ELMO1: variants seen among roughly 807,000 people sequenced by gnomAD.
ELMO1 encodes engulfment and cell motility protein 1.
In ELMO1, 26 loss-of-function variants were observed where a neutral mutation model predicts 98.9. The ratio of observed to expected loss-of-function variants is 0.26; its 90% CI spans 0.19 to 0.36. The LOEUF (loss-of-function observed/expected upper bound fraction) is 0.36, where lower values mean the gene tolerates loss of function less well. Among genes scored for constraint, ELMO1 ranks in the 10% least tolerant of loss-of-function variants. ELMO1 has a pLI of 1.00. For synonymous variants in ELMO1, 346 were observed against 346.0 expected (o/e 1.00, Z 0.00); for missense variants, 627 against 935.2 (o/e 0.67, Z 4.30).
At chr7:37,156,425 C>G (rs1788769993) in intron 13 of ELMO1, among the ~76,000 whole-genome samples, 1 of 151,936 alleles carries the variant, frequency 6.6e-6, no homozygotes, top group Non-Finnish European at 1.5e-5. Context: ...GGACCACTAG[C>G]AAGACTAATA....
chr7:37,004,277 C>T (rs1314290633), intron 16 of ELMO1, among the ~76,000 whole-genome samples: 4 of 152,036 alleles, frequency 2.6e-5, no homozygotes. Flanking sequence ...TCATATAATC[C>T]ACAACGGAAT....
chr7:37,396,383 T>TACAAA (rs1205050986), intron 1 of ELMO1, among the ~76,000 whole-genome samples: 1 of 152,008 alleles, frequency 6.6e-6, no homozygotes, highest in Non-Finnish European at 1.5e-5. Context: ...ACTCCGTCTC[T>TACAAA]ACAAAACAAA....
chr7:37,036,714 T>C (rs1488121619), intron 15 of ELMO1, among the ~76,000 whole-genome samples: 1 of 152,028 alleles, frequency 6.6e-6, no homozygotes, highest in Non-Finnish European at 1.5e-5. Flanking sequence ...CAGGAAATGA[T>C]GGGAAATCAG....
At chr7:36,860,029 G>C (rs1396384069) in intron 21 of ELMO1, among the ~76,000 whole-genome samples, 1 of 152,108 alleles carries the variant, frequency 6.6e-6, no homozygotes, top group Non-Finnish European at 1.5e-5. Flanking sequence ...TCCACTTAAT[G>C]AATAGTAAAC....
In ELMO1 at chr7:37,068,267, G is replaced by C. The variant is rs373345243; in HGVS notation, c.1300+28352C>G. Among the ~76,000 whole-genome samples the C allele has an allele frequency of 9.2e-5, 14 of 152,276 alleles. No homozygotes were observed. In the East Asian group the frequency reaches 2.7e-3, roughly 29 times the overall value. On this transcript the variant is annotated intron_variant, in intron 15 of 21. Transcript: ENST00000310758. ...ACTCTATCCCAGTCTCCCTGTCTCAGGAAAGTACAGTAAGTTAGCAAGTGA... is the reference window on the plus strand; with the variant it reads ...ACTCTATCCCAGTCTCCCTGTCTCACGAAAGTACAGTAAGTTAGCAAGTGA...
chr7:36,921,062 A>G (rs532116754), intron 16 of ELMO1, among the ~76,000 whole-genome samples: 1 of 152,214 alleles, frequency 6.6e-6, no homozygotes, highest in Non-Finnish European at 1.5e-5. Context: ...CCCTTCCACC[A>G]TGTGAGGACG....
intron 13 of ELMO1, among the ~76,000 whole-genome samples, chr7:37,139,597 C>G (rs565449119): frequency 3.8e-3 from 576 of 152,282 alleles, no homozygotes; most frequent in Middle Eastern, 6.8e-3. Context: ...ACATCCCATG[C>G]TCATGGATGG....
At chr7:37,065,819 G>T (rs1034744758) in intron 15 of ELMO1, among the ~76,000 whole-genome samples, 26 of 152,238 alleles carry the variant, frequency 1.7e-4, no homozygotes, top group African/African-American at 5.8e-4. Context: ...CACGCAATCT[G>T]GGAAAAAGAA....
At chr7:37,245,780 G>A (rs1794975319) in intron 6 of ELMO1, among the ~76,000 whole-genome samples, 2 of 152,102 alleles carry the variant, frequency 1.3e-5, no homozygotes, top group South Asian at 4.1e-4. Context: ...ACATCTTGTT[G>A]AGCCAGAAAG....
intron 1 of ELMO1, among the ~76,000 whole-genome samples, chr7:37,414,546 G>A (rs1409127067): frequency 2.0e-5 from 3 of 152,066 alleles, no homozygotes; most frequent in African/African-American, 4.8e-5. Context: ...TTCTCTGATC[G>A]CCACCCTGCT....
intron 1 of ELMO1, among the ~76,000 whole-genome samples, chr7:37,366,700 CT>C (rs1449123039): frequency 6.6e-6 from 1 of 152,208 alleles, no homozygotes; most frequent in Non-Finnish European, 1.5e-5. Flanking sequence ...AATCTCCCCC[CT>C]GTAGCATCAC....
At chr7:37,145,295 TC>T (rs1787913404) in intron 13 of ELMO1, among the ~76,000 whole-genome samples, 1 of 152,242 alleles carries the variant, frequency 6.6e-6, no homozygotes, top group Non-Finnish European at 1.5e-5. Flanking sequence ...GATCTACCAT[TC>T]CTCAAATCCC....
intron 1 of ELMO1, among the ~76,000 whole-genome samples, chr7:37,414,929 C>T (rs1342016202): frequency 6.6e-6 from 1 of 152,246 alleles, no homozygotes; most frequent in Non-Finnish European, 1.5e-5. Context: ...CTGCAATGCA[C>T]GTAGCTTGCA....
chr7:37,425,959 A>T (rs1387107725), intron 1 of ELMO1, among the ~76,000 whole-genome samples: 1 of 152,092 alleles, frequency 6.6e-6, no homozygotes, highest in Non-Finnish European at 1.5e-5. Flanking sequence ...TAGCAGTTTA[A>T]CACCAACAAA....
chr7:37,393,565 C>T (rs1803170139), intron 1 of ELMO1, among the ~76,000 whole-genome samples: 1 of 152,142 alleles, frequency 6.6e-6, no homozygotes, highest in Non-Finnish European at 1.5e-5. Flanking sequence ...TTCCTCTGCC[C>T]TTGACCCTTT....
intron 16 of ELMO1, among the ~76,000 whole-genome samples, chr7:36,948,759 A>G (rs1020494126): frequency 2.0e-5 from 3 of 152,188 alleles, no homozygotes; most frequent in African/African-American, 4.8e-5. Flanking sequence ...CCACCTTCCT[A>G]TATACATCAA....
In ELMO1 at chr7:37,211,554, A is replaced by C. The variant is rs369545453; in HGVS notation, c.955-37T>G. On this transcript the variant is annotated intron_variant, in intron 12 of 21. Transcript: ENST00000310758. ...AGGGAGTAAAAAGAAAAGGGAGGGG[A>C]AAAAGCTGCTTTCATTGTGTGACAT... 4.9e-4 allele frequency: 791 copies of C among 1,606,454 alleles called. 1 individual carries two copies. The highest frequency in any genetic ancestry group is 6.4e-4 in the Non-Finnish European group (758 of 1,176,494).
chr7:36,945,487 C>T (rs575750138), intron 16 of ELMO1, among the ~76,000 whole-genome samples: 188 of 152,280 alleles, frequency 1.2e-3, no homozygotes, highest in African/African-American at 4.1e-3. Flanking sequence ...CGAAGCTTTC[C>T]GGGAATCCCT....
intron 7 of ELMO1, 80 bp downstream of exon 7, chr7:37,244,272 ACAAT>A (rs1794891531): frequency 1.4e-6 from 2 of 1,391,524 alleles, no homozygotes; most frequent in African/African-American, 1.4e-5. Flanking sequence ...GCATAGTTAT[ACAAT>A]CAGTCAGATG....
Sources: allele counts gnomAD v4.1 joint callset (sites outside exome capture counted in the v4.1 genomes callset), GRCh38; gene constraint gnomAD v4.1.1; transcripts MANE v1.5; gene names NCBI Gene and HGNC (gene_info 2026-07-23, HGNC 2026-07-21).